TMEM132B: variants seen among roughly 807,000 people sequenced by gnomAD.
The protein encoded by TMEM132B is transmembrane protein 132B.
TMEM132B carries 18 observed loss-of-function variants against 90.8 expected under a neutral mutation model. The ratio of observed to expected loss-of-function variants is 0.20; its 90% CI spans 0.14 to 0.29. TMEM132B has a LOEUF of 0.29. Among genes scored for constraint, TMEM132B ranks in the 10% least tolerant of loss-of-function variants. The pLI is 1.00. For synonymous variants in TMEM132B, 504 were observed against 523.3 expected, an observed-to-expected ratio of 0.96 and a Z score of 0.50; for missense variants, 1,096 against 1,326.8, an observed-to-expected ratio of 0.83 and a Z score of 2.70.
intron 1 of TMEM132B, among the ~76,000 whole-genome samples, chr12:125,337,689 T>A (rs958816255): frequency 6.6e-6 from 1 of 152,298 alleles, no homozygotes; most frequent in East Asian, 1.9e-4. Flanking sequence ...ATTAAGGGTG[T>A]TCTCCCCTCA....
intron 5 of TMEM132B, chr12:125,586,533 C>T (rs1022475064): frequency 6.6e-6 from 1 of 152,142 alleles, no homozygotes; most frequent in Non-Finnish European, 1.5e-5. Context: ...CAGAAAGAAG[C>T]AATTCATGTT....
At chr12:125,535,212 C>A (rs534797574) in intron 4 of TMEM132B, among the ~76,000 whole-genome samples, 5 of 152,202 alleles carry the variant, frequency 3.3e-5, no homozygotes, top group African/African-American at 4.8e-5. Context: ...TCATCAGTTA[C>A]CGCCATTGTT....
intron 1 of TMEM132B, among the ~76,000 whole-genome samples, chr12:125,312,295 G>C (rs893708408): frequency 6.6e-6 from 1 of 152,170 alleles, no homozygotes; most frequent in Non-Finnish European, 1.5e-5. Flanking sequence ...CCCAGCAGGC[G>C]CTCCTTCCAG....
At position 125,657,889 on chromosome 12, in the gene TMEM132B, A is replaced by G. The variant is rs1593051861; in HGVS notation, c.*3179A>G. On this transcript the variant is annotated 3_prime_UTR_variant, in exon 9 of 9. Transcript: ENST00000682704. ...TGACCTGGAACCATTGAGGATTGCA[A>G]CCGCTGCCTCCAGGGTCCAGATGTG... 6.6e-6 allele frequency: 1 copy of G among 152,316 alleles called. No individual in the cohort carries two copies. The highest frequency in any genetic ancestry group is 6.5e-5 in the Admixed American group (1 of 15,286). The allele number at this position is 152,316 out of a possible 1,614,324, so 9.4% of individuals were successfully genotyped here. A position where few individuals can be genotyped will look rare whatever the true frequency, so the allele number is the denominator to read the frequency against.
intron 2 of TMEM132B, among the ~76,000 whole-genome samples, chr12:125,411,368 G>A (rs549547794): frequency 6.7e-6 from 1 of 148,342 alleles, no homozygotes; most frequent in South Asian, 2.3e-4. Context: ...CAGAGGGTGG[G>A]GGGGGGCCTA....
chr12:125,513,531 C>T (rs1721919294), intron 3 of TMEM132B, among the ~76,000 whole-genome samples: 2 of 152,184 alleles, frequency 1.3e-5, no homozygotes, highest in African/African-American at 4.8e-5. Context: ...ACTGAGCTGG[C>T]AGCCTTCAAA....
intron 1 of TMEM132B, among the ~76,000 whole-genome samples, chr12:125,274,936 T>C (rs997398023): frequency 6.6e-6 from 1 of 151,360 alleles, no homozygotes; most frequent in Non-Finnish European, 1.5e-5. Context: ...TCCCAAAAAA[T>C]AAAAAAAATA....
At chr12:125,341,497 A>C (rs994749245) in intron 1 of TMEM132B, among the ~76,000 whole-genome samples, 43 of 152,094 alleles carry the variant, frequency 2.8e-4, no homozygotes, top group Admixed American at 2.8e-3. Flanking sequence ...CTTATTTTTA[A>C]ATATTTCATC....
chr12:125,402,986 G>A (rs911426383), intron 2 of TMEM132B, among the ~76,000 whole-genome samples: 3 of 152,086 alleles, frequency 2.0e-5, no homozygotes, highest in Admixed American at 2.0e-4. Flanking sequence ...TCAAAAGCCT[G>A]CTGGCACCAA....
At chr12:125,520,448 C>T (rs1423054981) in intron 4 of TMEM132B, among the ~76,000 whole-genome samples, 2 of 152,172 alleles carry the variant, frequency 1.3e-5, no homozygotes, top group African/African-American at 4.8e-5. Context: ...AGTTAAACAA[C>T]AAAGTTGAGA....
rs1879480137 is a variant in TMEM132B, at chr12:125,406,410, T to C, written c.960-9121T>C. On this transcript the variant is annotated intron_variant, in intron 2 of 8. Coordinates refer to ENST00000682704, the MANE Select transcript of TMEM132B (RefSeq NM_001366854.1). The surrounding 1 kb of genome is among the most constrained non-coding windows in gnomAD (Gnocchi z 8.3). ...AGAAGGGGCTTGAGACATTTCAGCA[T>C]TTGTGAACAAGTTCTTTTTCTACTG... 6.6e-6 allele frequency among the ~76,000 whole-genome samples: 1 copy of C among 152,180 alleles called. No homozygotes were observed. Among genetic ancestry groups the C allele is most frequent in the Admixed American group, 6.5e-5 (1 of 15,270 alleles).
At chr12:125,503,262 G>A (rs1882744350) in intron 3 of TMEM132B, among the ~76,000 whole-genome samples, 1 of 152,172 alleles carries the variant, frequency 6.6e-6, no homozygotes, top group African/African-American at 2.4e-5. Context: ...CACCCTGGGG[G>A]CCCTCTCTGG....
In TMEM132B at chr12:125,284,546, T is replaced by G. The variant is rs542585092; in HGVS notation, c.68-64906T>G. Among the ~76,000 whole-genome samples the G allele has an allele frequency of 1.9e-4, 29 of 152,354 alleles. No homozygotes were observed. The South Asian group carries it at 5.6e-3, about 29-fold the overall frequency. ...TTTTGTTAAACCTGAACTTTATATC[T>G]TCAAGGGTCTTCCATGCCAGTTTGC... On this transcript the variant is annotated intron_variant, in intron 1 of 8. Transcript: ENST00000682704.
intron 1 of TMEM132B, among the ~76,000 whole-genome samples, chr12:125,333,555 T>C (rs555749837): frequency 1.3e-5 from 2 of 152,276 alleles, no homozygotes; most frequent in Admixed American, 6.5e-5. Context: ...TTTTAGAAAG[T>C]GGACTGGAGG....
chr12:125,300,404 G>A (rs960896281), intron 1 of TMEM132B, among the ~76,000 whole-genome samples: 1 of 152,052 alleles, frequency 6.6e-6, no homozygotes, highest in Non-Finnish European at 1.5e-5. Flanking sequence ...GAGGCTGTAG[G>A]GAAGCTGAGC....
At chr12:125,423,001 C>T (rs1434910322) in intron 3 of TMEM132B, among the ~76,000 whole-genome samples, 2 of 152,134 alleles carry the variant, frequency 1.3e-5, no homozygotes, top group African/African-American at 4.8e-5. Context: ...GCGGCCCAAT[C>T]CTGGATGCCC....
At chr12:125,525,906 T>C (rs1309630190) in intron 4 of TMEM132B, among the ~76,000 whole-genome samples, 1 of 152,196 alleles carries the variant, frequency 6.6e-6, no homozygotes, top group Non-Finnish European at 1.5e-5. Context: ...TCCCTTGTGA[T>C]TATTGCACCC....
At chr12:125,450,940 C>T (rs2136448951) in intron 3 of TMEM132B, among the ~76,000 whole-genome samples, 1 of 152,114 alleles carries the variant, frequency 6.6e-6, no homozygotes, top group African/African-American at 2.4e-5. Flanking sequence ...AAACATTAGA[C>T]AAACCCCAAA....
chr12:125,278,182 A>G (rs1260711260), intron 1 of TMEM132B, among the ~76,000 whole-genome samples: 1 of 152,250 alleles, frequency 6.6e-6, no homozygotes, highest in African/African-American at 2.4e-5. Flanking sequence ...AGTTTTATTG[A>G]AAAGCAGCCA....
Sources: allele counts gnomAD v4.1 joint callset (sites outside exome capture counted in the v4.1 genomes callset), GRCh38; gene constraint gnomAD v4.1.1; non-coding constraint Gnocchi (gnomAD v3.1); transcripts MANE v1.5; gene names NCBI Gene and HGNC (gene_info 2026-07-23, HGNC 2026-07-21).